Variants in ADIPOR1 observed in about 807,000 individuals in gnomAD.
ADIPOR1 encodes the protein adiponectin receptor 1.
ADIPOR1 carries 15 observed loss-of-function variants against 37.5 expected under a neutral mutation model. The observed-to-expected ratio is 0.40, with a 90% CI of 0.27 to 0.62. ADIPOR1 has a LOEUF of 0.62. Ranked by LOEUF, ADIPOR1 falls within the 20% of genes least tolerant of loss-of-function variation. ADIPOR1 has a pLI of 0.42. For missense variants in ADIPOR1, 286 were observed against 478.0 expected (o/e 0.60, Z 3.75); for synonymous variants, 173 against 173.2 (o/e 1.00, Z 0.01).
intron 2 of ADIPOR1, among the ~76,000 whole-genome samples, chr1:202,949,289 G>A (rs747430261): frequency 1.8e-4 from 27 of 151,562 alleles, no homozygotes; most frequent in Non-Finnish European, 2.4e-4. Context: ...CTAAAAAAGC[G>A]CACCCAGAGG....
chr1:202,952,659 C>A (rs1454550664), intron 1 of ADIPOR1, among the ~76,000 whole-genome samples: 2 of 152,194 alleles, frequency 1.3e-5, no homozygotes, highest in African/African-American at 4.8e-5. Context: ...GCACCAATAG[C>A]CCCTTGGGTT....
At chr1:202,941,729 TAGG>T (rs779624855) in intron 7 of ADIPOR1, 28 bp from the exon 8 acceptor site, 2 of 1,599,678 alleles carry the variant, frequency 1.3e-6, no homozygotes, top group Non-Finnish European at 1.7e-6. Context: ...AAAGAGCCTT[TAGG>T]ATAATGCAAG....
At chr1:202,942,845 T>A (rs1254668926) in intron 6 of ADIPOR1, among the ~76,000 whole-genome samples, 1 of 150,132 alleles carries the variant, frequency 6.7e-6, no homozygotes, top group East Asian at 2.0e-4. Flanking sequence ...TAATTATTAT[T>A]ATTTTTTTCT....
At chr1:202,957,755 C>A (rs1654838915) in intron 1 of ADIPOR1, among the ~76,000 whole-genome samples, 1 of 152,224 alleles carries the variant, frequency 6.6e-6, no homozygotes, top group Non-Finnish European at 1.5e-5. Flanking sequence ...CCCAATGCGG[C>A]TGTTCCCCGC....
chr1:202,944,777 G>A (rs1654238656), intron 5 of ADIPOR1: 3 of 429,962 alleles, frequency 7.0e-6, no homozygotes, highest in Non-Finnish European at 1.2e-5. Context: ...CTCTCCATCT[G>A]TTGAAGAGGA....
rs1654419830 is a variant in ADIPOR1, at chr1:202,948,396, C to G, written c.166G>C (p.Val56Leu). ...PKAEEEQTCPVPQEEEEEVRV... is the reference protein window; with the variant it reads ...PKAEEEQTCPLPQEEEEEVRV... The stretch of plus-strand genomic sequence containing the variant: ...ACCTCCTCCTCTTCTTCCTGGGGCA[C>G]TGGGCATGTTTGCTCTTCTTCAGCC... The change falls in exon 3 of 8, where the codon GTG becomes CTG. Residue 56 changes from valine to leucine, a missense_variant. Transcript: ENST00000340990. 6.2e-7 allele frequency: 1 copy of G among 1,613,946 alleles called. No homozygotes were observed. Among genetic ancestry groups the G allele is most frequent in the Admixed American group, 1.7e-5 (1 of 60,018 alleles).
At position 202,953,567 on chromosome 1, in the gene ADIPOR1, A is replaced by C. The variant is rs201350626; in HGVS notation, c.-94-2403T>G. Among the ~76,000 whole-genome samples the C allele has an allele frequency of 2.6e-5, 4 of 151,752 alleles. No individual in the cohort carries two copies. In the East Asian group the frequency reaches 7.7e-4, roughly 29 times the overall value. On this transcript the variant is annotated intron_variant, in intron 1 of 7. Transcript: ENST00000340990. ...GCCACTTAGATAAGGGCTTATGTGC[A>C]TTTTCTTGTGCTTGTGGTGGCTTCT...
At chr1:202,942,329 G>T in intron 6 of ADIPOR1, 111 bp from the exon 7 acceptor site, 1 of 1,020,862 alleles carries the variant, frequency 9.8e-7, no homozygotes. Context: ...ATTTTTGGAT[G>T]AATAGTACAT....
At chr1:202,948,266 G>C in intron 3 of ADIPOR1, 38 bp downstream of exon 3, 1 of 1,516,680 alleles carries the variant, frequency 6.6e-7, no homozygotes. Flanking sequence ...CAGGCCTGCT[G>C]CCCTTCCCCT....
chr1:202,943,311 G>A (rs1458728200), intron 6 of ADIPOR1, among the ~76,000 whole-genome samples: 1 of 152,246 alleles, frequency 6.6e-6, no homozygotes, highest in Admixed American at 6.5e-5. Context: ...ACACAAAGAT[G>A]TTTATGCTTG....
At chr1:202,951,377 T>C (rs1654575343) in intron 1 of ADIPOR1, among the ~76,000 whole-genome samples, 1 of 152,160 alleles carries the variant, frequency 6.6e-6, no homozygotes, top group African/African-American at 2.4e-5. Context: ...AGGCTGAAAA[T>C]GTAACACCTA....
At chr1:202,945,273 C>T in intron 4 of ADIPOR1, 104 bp from the exon 5 acceptor site, 2 of 1,068,958 alleles carry the variant, frequency 1.9e-6, no homozygotes, top group East Asian at 5.3e-5. Context: ...CATCACTAAT[C>T]ATCAGGGAAA....
chr1:202,943,133 G>A (rs2102481578), intron 6 of ADIPOR1, among the ~76,000 whole-genome samples: 1 of 152,266 alleles, frequency 6.6e-6, no homozygotes, highest in South Asian at 2.1e-4. Flanking sequence ...CCCCCAAAGT[G>A]CTGGGATTAC....
Position 202,946,576 on chromosome 1 carries a change from T to C in ADIPOR1, c.293A>G (p.Asp98Gly). 1 of 1,613,958 alleles carries C rather than the reference T, an allele frequency of 6.2e-7. No homozygotes were observed. The highest frequency in any genetic ancestry group is 8.5e-7 in the Non-Finnish European group (1 of 1,179,992). ...GTCCTTTAGCCAGTCAGGGAGCACA[T>C]CATATGGGATGACCCTCCAACGTCC... ...WEGRWRVIPY[D>G]VLPDWLKDND... Residue 98 changes from aspartate to glycine, a missense_variant, in exon 4 of 8, where the codon GAT becomes GGT. Transcript: ENST00000340990.
chr1:202,948,467 T>C (rs754186500), intron 2 of ADIPOR1, 47 bp from the exon 3 acceptor site: 16 of 1,551,458 alleles, frequency 1.0e-5, no homozygotes, highest in South Asian at 8.9e-5. Flanking sequence ...ATCTCATAAA[T>C]TGTACTATTC....
intron 6 of ADIPOR1, 46 bp from the exon 7 acceptor site, chr1:202,942,264 GCA>G: frequency 1.3e-6 from 2 of 1,525,350 alleles, no homozygotes; most frequent in Non-Finnish European, 1.8e-6. Context: ...AACAGCCACC[GCA>G]TGGAAGGCAC....
At chr1:202,952,167 C>A (rs1286312696) in intron 1 of ADIPOR1, among the ~76,000 whole-genome samples, 2 of 152,116 alleles carry the variant, frequency 1.3e-5, no homozygotes, top group Non-Finnish European at 2.9e-5. Flanking sequence ...ATTATTAGTT[C>A]TCTCCCCACC....
intron 5 of ADIPOR1, 120 bp from the exon 6 acceptor site, chr1:202,944,065 TG>T: frequency 1.1e-6 from 1 of 896,972 alleles, no homozygotes; most frequent in Non-Finnish European, 1.7e-6. Flanking sequence ...CAATCTATCC[TG>T]TATTGTAGAC....
intron 4 of ADIPOR1, among the ~76,000 whole-genome samples, chr1:202,946,105 G>C (rs1465326127): frequency 1.3e-5 from 2 of 151,148 alleles, no homozygotes; most frequent in East Asian, 3.9e-4. Flanking sequence ...ACTGGTCACA[G>C]AAACCCAGAC....
Sources: allele counts gnomAD v4.1 joint callset (sites outside exome capture counted in the v4.1 genomes callset), GRCh38; gene constraint gnomAD v4.1.1; transcripts MANE v1.5; gene names NCBI Gene and HGNC (gene_info 2026-07-23, HGNC 2026-07-21).